The following LRMDA variants were observed in gnomAD, a reference collection of about 807,000 sequenced individuals.
LRMDA encodes leucine rich melanocyte differentiation associated, also known as leucine-rich melanocyte differentiation-associated protein.
In LRMDA, 18 loss-of-function variants were observed where a neutral mutation model predicts 29.8. The observed-to-expected ratio is 0.60, with a 90% CI of 0.42 to 0.90. The LOEUF is 0.90. LRMDA is among the 40% of genes least tolerant of loss of function. LRMDA has a pLI of 0.00. For synonymous variants in LRMDA, 125 were observed against 109.4 expected (o/e 1.14, Z -0.89); for missense variants, 273 against 273.9 (o/e 1.00, Z 0.02).
chr10:76,467,115 GA>G (rs1842572092), intron 6 of LRMDA, among the ~76,000 whole-genome samples: 1 of 152,132 alleles, frequency 6.6e-6, no homozygotes. Flanking sequence ...TTTTGAAGTG[GA>G]ATTACTAAAT....
At chr10:75,580,927 A>T (rs935112127) in intron 2 of LRMDA, among the ~76,000 whole-genome samples, 24 of 152,230 alleles carry the variant, frequency 1.6e-4, no homozygotes, top group African/African-American at 5.8e-4. Context: ...CTCAAGTTGG[A>T]TTAAAGACTT....
intron 5 of LRMDA, among the ~76,000 whole-genome samples, chr10:76,151,779 T>C (rs1009512719): frequency 6.6e-6 from 1 of 152,234 alleles, no homozygotes; most frequent in South Asian, 2.1e-4. Flanking sequence ...AACTTTTGTT[T>C]ATTTACTAGT....
intron 5 of LRMDA, among the ~76,000 whole-genome samples, chr10:76,308,172 A>G (rs74148419): frequency 0.011 from 1,679 of 152,036 alleles, 29 homozygotes; most frequent in African/African-American, 0.038. Flanking sequence ...TGATTAGTCT[A>G]CTCCTTCCAA....
chr10:75,442,269 A>G (rs1186260119), intron 2 of LRMDA, among the ~76,000 whole-genome samples: 1 of 152,172 alleles, frequency 6.6e-6, no homozygotes, highest in African/African-American at 2.4e-5. Context: ...CCTTTTTTGT[A>G]TGAAGAGAAC....
chr10:75,738,400 C>T (rs1842791306), intron 2 of LRMDA, among the ~76,000 whole-genome samples: 1 of 152,188 alleles, frequency 6.6e-6, no homozygotes, highest in Non-Finnish European at 1.5e-5. Flanking sequence ...CTATTGGACT[C>T]TCCTTGTCCC....
rs552288406 is a variant in LRMDA, at chr10:75,515,657, G to A, written c.131+77163G>A. On this transcript the variant is annotated intron_variant, in intron 2 of 6. Transcript: ENST00000611255. ...GGTCTCTCAAAGAGCTGGGAATATA[G>A]GTATGAGCCACTGTGCCTGGCCATT... Among the ~76,000 whole-genome samples, 13 of 152,140 alleles carry A rather than the reference G, an allele frequency of 8.5e-5. No homozygotes were observed. The East Asian group carries it at 9.7e-4, about 11-fold the overall frequency.
intron 2 of LRMDA, among the ~76,000 whole-genome samples, chr10:75,439,837 C>T (rs1197609279): frequency 6.6e-6 from 1 of 152,056 alleles, no homozygotes; most frequent in Admixed American, 6.6e-5. Context: ...AGGAGAGGAC[C>T]GAGTGCGTGG....
At chr10:76,157,730 ATG>A (rs1275019617) in intron 5 of LRMDA, among the ~76,000 whole-genome samples, 1 of 151,996 alleles carries the variant, frequency 6.6e-6, no homozygotes, top group East Asian at 1.9e-4. Flanking sequence ...AATTATGTGT[ATG>A]TGTGTATAGG....
intron 5 of LRMDA, among the ~76,000 whole-genome samples, chr10:76,271,761 T>C (rs1403633196): frequency 6.6e-6 from 1 of 152,214 alleles, no homozygotes; most frequent in Non-Finnish European, 1.5e-5. Flanking sequence ...CCAAGACTTA[T>C]TATCTTTCTC....
At chr10:75,530,586 G>A (rs898344978) in intron 2 of LRMDA, among the ~76,000 whole-genome samples, 5 of 152,180 alleles carry the variant, frequency 3.3e-5, no homozygotes, top group Admixed American at 1.3e-4. Context: ...GCCAAGTGGT[G>A]TGTATTTAAC....
intron 5 of LRMDA, among the ~76,000 whole-genome samples, chr10:76,303,211 CTTTT>C (rs34865373): frequency 7.6e-6 from 1 of 131,490 alleles, no homozygotes; most frequent in African/African-American, 2.8e-5. Context: ...ACACTCCTCC[CTTTT>C]TTTTTTTTTT....
chr10:76,027,252 C>G (rs192024450), intron 2 of LRMDA, among the ~76,000 whole-genome samples: 23 of 152,286 alleles, frequency 1.5e-4, no homozygotes, highest in African/African-American at 5.5e-4. Context: ...GGATTGGGAT[C>G]AGATTTGCTT....
intron 2 of LRMDA, among the ~76,000 whole-genome samples, chr10:75,975,720 G>T (rs558746391): frequency 6.6e-6 from 1 of 152,260 alleles, no homozygotes; most frequent in Non-Finnish European, 1.5e-5. Flanking sequence ...TATCTCTAAA[G>T]TTCTTTTAGA....
At chr10:76,163,942 C>T (rs1176214637) in intron 5 of LRMDA, among the ~76,000 whole-genome samples, 1 of 152,242 alleles carries the variant, frequency 6.6e-6, no homozygotes, top group Non-Finnish European at 1.5e-5. Context: ...AAAAAAGGGC[C>T]ATTTGCTTTT....
At chr10:76,364,138 A>C (rs1841361718) in intron 6 of LRMDA, among the ~76,000 whole-genome samples, 1 of 152,014 alleles carries the variant, frequency 6.6e-6, no homozygotes, top group Admixed American at 6.6e-5. Context: ...GTGTAGAACT[A>C]ACTCCAGTGG....
intron 3 of LRMDA, among the ~76,000 whole-genome samples, chr10:76,043,683 G>A (rs1380997593): frequency 6.6e-6 from 1 of 152,182 alleles, no homozygotes; most frequent in Non-Finnish European, 1.5e-5. Context: ...ATCTACAAGT[G>A]AAGGTTCACT....
At position 75,533,925 on chromosome 10, in the gene LRMDA, A is replaced by G. The variant is rs115758586; in HGVS notation, c.131+95431A>G. 2.4e-3 allele frequency among the ~76,000 whole-genome samples: 371 copies of G among 152,344 alleles called. 5 individuals are homozygous for G. Among genetic ancestry groups the G allele is most frequent in the African/African-American group, 8.8e-3 (367 of 41,576 alleles). On this transcript the variant is annotated intron_variant, in intron 2 of 6. Coordinates refer to ENST00000611255, the MANE Select transcript of LRMDA (RefSeq NM_001305581.2). ...GATATGTGCAACATATGAGGACTCTATATTGCAAGTGACTCAAACTGGTTT... is the reference window on the plus strand; with the variant it reads ...GATATGTGCAACATATGAGGACTCTGTATTGCAAGTGACTCAAACTGGTTT...
intron 2 of LRMDA, among the ~76,000 whole-genome samples, chr10:75,506,843 G>A (rs1195699806): frequency 6.6e-6 from 1 of 152,188 alleles, no homozygotes; most frequent in East Asian, 1.9e-4. Context: ...TGTTGTGGGA[G>A]GTTCTCTCTT....
At chr10:75,444,464 C>T (rs887553461) in intron 2 of LRMDA, among the ~76,000 whole-genome samples, 17 of 152,188 alleles carry the variant, frequency 1.1e-4, no homozygotes, top group Non-Finnish European at 1.6e-4. Flanking sequence ...CTGCTGTGAT[C>T]AGCCAGGAAC....
Sources: gnomAD v4.1 joint callset for allele counts (sites outside exome capture counted in the v4.1 genomes callset) on GRCh38, gnomAD v4.1.1 for gene constraint, MANE v1.5 for transcripts, NCBI Gene and HGNC (gene_info 2026-07-23, HGNC 2026-07-21) for gene names.